Variants in ADCYAP1 observed in about 807,000 individuals in gnomAD.
The protein encoded by ADCYAP1 is pituitary adenylate cyclase-activating polypeptide.
In ADCYAP1, 6 loss-of-function variants were observed where a neutral mutation model predicts 18.5. That is an observed-to-expected ratio of 0.32 (90% CI 0.18 to 0.64). The LOEUF (loss-of-function observed/expected upper bound fraction) is 0.64. Ranked by LOEUF, ADCYAP1 falls within the 30% of genes least tolerant of loss-of-function variation. The pLI is 0.77. For synonymous variants in ADCYAP1, 136 were observed against 113.9 expected, an observed-to-expected ratio of 1.19 and a Z score of -1.24; for missense variants, 314 against 253.6, an observed-to-expected ratio of 1.24 and a Z score of -1.62.
upstream of ADCYAP1, chr18:904,516 GA>G: frequency 7.8e-7 from 1 of 1,289,180 alleles, no homozygotes; most frequent in South Asian, 1.2e-5. Context: ...AATAGGAGCA[GA>G]AGGCCGGTCA....
rs374561813 is a variant in ADCYAP1, at chr18:907,845, G to A, written c.242+55G>A. 7.8e-5 allele frequency: 110 copies of A among 1,413,264 alleles called. No homozygotes were observed. The African/African-American group carries it at 1.5e-3, about 19-fold the overall frequency. The allele number at this position is 1,413,264 out of a possible 1,614,324, so 87.5% of individuals were successfully genotyped here. A position where few individuals can be genotyped will look rare whatever the true frequency, so the allele number is the denominator to read the frequency against. ...GCGGCTGGGAGCTCGGGACTGCGGTGACGGGAGGGGCAGTGTGGTGACCCA... is the reference window on the plus strand; with the variant it reads ...GCGGCTGGGAGCTCGGGACTGCGGTAACGGGAGGGGCAGTGTGGTGACCCA... On this transcript the variant is annotated intron_variant, in intron 3 of 4. Transcript: ENST00000450565.
intron 2 of ADCYAP1, 194 bp from the exon 3 acceptor site, chr18:907,465 C>T: frequency 3.8e-6 from 2 of 528,510 alleles, no homozygotes; most frequent in Non-Finnish European, 6.2e-6. Context: ...GGCCGCCCGG[C>T]GGGGTAGGAG....
Position 909,891 on chromosome 18 carries a change from TATATATATATATATA to T in ADCYAP1, c.*258_*272del, listed in dbSNP as rs1294817032. ...TATAAAGAATATATATATATATATA[TATATATATATATATA>T]AAGTATAGAGAGAAGTTCATACAAA... On this transcript the variant is annotated 3_prime_UTR_variant, in exon 5 of 5. Transcript: ENST00000450565. 1.4e-5 allele frequency: 2 copies of T among 141,932 alleles called. No homozygotes were observed. Among genetic ancestry groups the T allele is most frequent in the African/African-American group, 5.7e-5 (2 of 34,998 alleles). 8.8% of individuals were successfully genotyped at this position (141,932 alleles called of 1,614,324 possible).
Position 910,356 on chromosome 18 carries a change from G to T in ADCYAP1, c.*721G>T, listed in dbSNP as rs914313068. On this transcript the variant is annotated 3_prime_UTR_variant, in exon 5 of 5. Coordinates refer to ENST00000450565, the MANE Select transcript of ADCYAP1 (RefSeq NM_001099733.2). ...AATTCTCCTGATAAAACAACAGCTC[G>T]ATCCAAATTGTGCTTCTCCCCAGAA... The T allele has an allele frequency of 2.0e-5, 3 of 152,204 alleles. No homozygotes were observed. Among genetic ancestry groups the T allele is most frequent in the African/African-American group, 7.2e-5 (3 of 41,440 alleles). The allele number at this position is 152,204 out of a possible 1,614,324, so 9.4% of individuals were successfully genotyped here.
At chr18:909,363 G>A in intron 4 of ADCYAP1, 83 bp from the exon 5 acceptor site, 1 of 1,387,600 alleles carries the variant, frequency 7.2e-7, no homozygotes. Context: ...GCTCCCGCGT[G>A]GGGTGGGGCC....
chr18:908,387 C>T (rs994452283), intron 4 of ADCYAP1, 24 bp downstream of exon 4: 2 of 1,598,016 alleles, frequency 1.3e-6, no homozygotes, highest in East Asian at 2.3e-5. Context: ...GAAGGATTAA[C>T]CTGCGCGCGC....
intron 4 of ADCYAP1, 29 bp downstream of exon 4, chr18:908,392 G>C (rs1395410290): frequency 6.3e-7 from 1 of 1,592,580 alleles, no homozygotes; most frequent in Non-Finnish European, 8.6e-7. Context: ...ATTAACCTGC[G>C]CGCGCCGGGG....
chr18:908,137 G>A (rs1472024730), intron 3 of ADCYAP1, 128 bp from the exon 4 acceptor site: 2 of 811,520 alleles, frequency 2.5e-6, no homozygotes, highest in Non-Finnish European at 2.0e-6. Flanking sequence ...GGCGAGTTCT[G>A]GGCCTCTGGA....
upstream of ADCYAP1, chr18:904,813 C>A: frequency 1.6e-6 from 2 of 1,285,986 alleles, no homozygotes; most frequent in South Asian, 1.2e-5. Context: ...TCTCTCTGCG[C>A]CCCCTTCTCT....
chr18:909,143 A>T (rs941293083), intron 4 of ADCYAP1, among the ~76,000 whole-genome samples: 4 of 148,526 alleles, frequency 2.7e-5, no homozygotes, highest in African/African-American at 1.0e-4. Flanking sequence ...GTCGGATCTC[A>T]AGGGGGCAGC....
chr18:905,450 G>T lies in ADCYAP1; in HGVS notation c.64G>T (p.Val22Phe), dbSNP rs748742011. Residue 22 changes from valine to phenylalanine, a missense_variant, in exon 2 of 5, where the codon GTC (valine) becomes TTC (phenylalanine). Physicochemically the swap from Val to Phe is conservative, Grantham distance 50. Transcript: ENST00000450565. ...LVYGIIMHSS[V>F]YSSPAAAGLR... ...CTATGGGATAATCATGCACAGCAGCGTCTACAGCTCACCTGCCGCCGCCGG... is the reference window on the plus strand; with the variant it reads ...CTATGGGATAATCATGCACAGCAGCTTCTACAGCTCACCTGCCGCCGCCGG... The T allele has an allele frequency of 3.1e-6, 5 of 1,611,674 alleles. No individual in the cohort carries two copies. The highest frequency in any genetic ancestry group is 2.7e-5 in the African/African-American group (2 of 74,948).
chr18:905,818 G>C (rs1909150049), intron 2 of ADCYAP1: 1 of 412,356 alleles, frequency 2.4e-6, no homozygotes, highest in African/African-American at 2.0e-5. Flanking sequence ...CCCCTAGCTT[G>C]GTTTCTTTTA....
chr18:906,664 G>A (rs1369652869), intron 2 of ADCYAP1: 1 of 152,354 alleles, frequency 6.6e-6, no homozygotes, highest in Non-Finnish European at 1.5e-5. Context: ...GAGAAAAGGC[G>A]AGTGAAGCAG....
chr18:907,327 G>A (rs1013482625), intron 2 of ADCYAP1, among the ~76,000 whole-genome samples: 1 of 152,212 alleles, frequency 6.6e-6, no homozygotes, highest in Non-Finnish European at 1.5e-5. Context: ...TCGGGAGCCA[G>A]GCGGGGAGGG....
upstream of ADCYAP1, chr18:904,419 T>C (rs1423276505): frequency 1.6e-6 from 2 of 1,281,690 alleles, no homozygotes; most frequent in African/African-American, 1.5e-5. Context: ...AAATATTCTG[T>C]ACTTAAAGGC....
In ADCYAP1 at chr18:905,499, A is replaced by G. The variant is rs928341128; in HGVS notation, c.110+3A>G. The G allele has an allele frequency of 3.1e-6, 5 of 1,605,264 alleles. No homozygotes were observed. In the African/African-American group the frequency reaches 5.3e-5, roughly 17 times the overall value. On this transcript the variant is annotated splice_donor_region_variant and intron_variant, in intron 2 of 4. Coordinates refer to ENST00000450565, the MANE Select transcript of ADCYAP1 (RefSeq NM_001099733.2). ...GGACTCCGGTTCCCCGGGATCAGGTAGGTGCTGGCTGCCTGGCCCAAGCAG... is the reference window on the plus strand; with the variant it reads ...GGACTCCGGTTCCCCGGGATCAGGTGGGTGCTGGCTGCCTGGCCCAAGCAG...
At chr18:909,419 C>T (rs751703980) in intron 4 of ADCYAP1, 27 bp from the exon 5 acceptor site, 21 of 1,599,824 alleles carry the variant, frequency 1.3e-5, no homozygotes, top group Non-Finnish European at 1.8e-5. Flanking sequence ...CGCCCCGCCA[C>T]CCTCTTCCCG....
Position 905,022 on chromosome 18 carries a change from C to T in ADCYAP1, c.-40C>T. 7.7e-7 allele frequency: 1 copy of T among 1,296,728 alleles called. No homozygotes were observed. Among genetic ancestry groups the T allele is most frequent in the South Asian group, 1.2e-5 (1 of 80,562 alleles). 80.3% of individuals were successfully genotyped at this position (1,296,728 alleles called of 1,614,324 possible). On this transcript the variant is annotated 5_prime_UTR_variant, in exon 1 of 5. Coordinates refer to ENST00000450565, the MANE Select transcript of ADCYAP1 (RefSeq NM_001099733.2). ...TTGAAGAAGCGCTTTGCCCGCCGTCCTACCTGGCAGCTCTCCTGGCAGCGG... is the reference window on the plus strand; with the variant it reads ...TTGAAGAAGCGCTTTGCCCGCCGTCTTACCTGGCAGCTCTCCTGGCAGCGG...
intron 4 of ADCYAP1, 38 bp downstream of exon 4, chr18:908,401 G>T (rs745978982): frequency 6.3e-7 from 1 of 1,576,342 alleles, no homozygotes; most frequent in Non-Finnish European, 8.7e-7. Context: ...CGCGCGCCGG[G>T]GTGGGTGCCT....
Sources: allele counts gnomAD v4.1 joint callset (sites outside exome capture counted in the v4.1 genomes callset), GRCh38; gene constraint gnomAD v4.1.1; transcripts MANE v1.5; gene names NCBI Gene and HGNC (gene_info 2026-07-23, HGNC 2026-07-21).